Variants in COL4A2 observed in about 807,000 individuals in gnomAD.
COL4A2 encodes the protein collagen alpha-2(IV) chain.
COL4A2 carries 99 observed loss-of-function variants against 200.2 expected under a neutral mutation model. That is an observed-to-expected ratio of 0.49 (90% CI 0.42 to 0.58). COL4A2 has a LOEUF of 0.58. COL4A2 is among the 20% of genes least tolerant of loss of function. The pLI, the probability that COL4A2 is intolerant of heterozygous loss-of-function variation, is 0.00. For synonymous variants in COL4A2, 897 were observed against 900.6 expected (o/e 1.00, Z 0.07); for missense variants, 1,950 against 2,314.1 (o/e 0.84, Z 3.23).
At chr13:110,485,871 A>G (rs759039816) in intron 34 of COL4A2, 35 bp downstream of exon 34, 2 of 1,608,824 alleles carry the variant, frequency 1.2e-6, no homozygotes, top group Admixed American at 1.7e-5. Context: ...TTGTTCTGTG[A>G]GCTCCTCTCC....
At position 110,501,770 on chromosome 13, in the gene COL4A2, T is replaced by C. The variant is rs201297533; in HGVS notation, c.3863T>C (p.Ile1288Thr). The C allele has an allele frequency of 2.5e-6, 4 of 1,613,394 alleles. No homozygotes were observed. The highest frequency in any genetic ancestry group is 1.6e-4 in the Middle Eastern group (1 of 6,080). The change falls in exon 41 of 48, where the codon ATA becomes ACA. Residue 1288 changes from isoleucine to threonine, a missense_variant. Physicochemically the swap from Ile to Thr is moderately conservative, Grantham distance 89 (BLOSUM62 -1). This residue lies in a region of COL4A2 where 1,385 missense variants were observed against 1,720.5 expected (regional missense o/e 0.80). Transcript: ENST00000360467. The stretch of plus-strand genomic sequence containing the variant: ...CCTGGTGACAAAGGGGCGCCAGGGA[T>C]ATTTGGCCTGAAAGGTAAGCAGGAC... Reference protein sequence around the residue: ...GAPGDKGAPGIFGLKGYRGPP... With the variant: ...GAPGDKGAPGTFGLKGYRGPP...
rs569465931 is a variant in COL4A2 at position 110,314,514 on chromosome 13, C to T, written c.99+6391C>T. The stretch of plus-strand genomic sequence containing the variant: ...GAGTAAAAGGATTTTTGTCCCCTGG[C>T]CGTGGGTGGAGTCATTTGTGAAGAC... On this transcript the variant is annotated intron_variant, in intron 3 of 47. Transcript: ENST00000360467. 2.0e-5 allele frequency among the ~76,000 whole-genome samples: 3 copies of T among 152,262 alleles called. No individual in the cohort carries two copies. In the South Asian group the frequency reaches 6.2e-4, roughly 32 times the overall value.
chr13:110,355,154 C>A (rs1877137442), intron 3 of COL4A2, among the ~76,000 whole-genome samples: 1 of 152,230 alleles, frequency 6.6e-6, no homozygotes, highest in African/African-American at 2.4e-5. Context: ...TCAGTGAACA[C>A]CAGAAGCCAG....
At chr13:110,309,757 G>A (rs1884919947) in intron 3 of COL4A2, among the ~76,000 whole-genome samples, 1 of 143,616 alleles carries the variant, frequency 7.0e-6, no homozygotes, top group East Asian at 2.0e-4. Flanking sequence ...GGAGGCCGCG[G>A]CCTGTGGATT....
chr13:110,508,084 G>A lies in COL4A2; in HGVS notation c.4744G>A (p.Glu1582Lys), dbSNP rs376636910. 37 of 1,614,130 alleles carry A rather than the reference G, an allele frequency of 2.3e-5. No homozygotes were observed. Among genetic ancestry groups the A allele is most frequent in the East Asian group, 1.6e-4 (7 of 44,900 alleles). The change falls in exon 47 of 48, where the codon GAG becomes AAG. Residue 1582 changes from glutamate to lysine, a missense_variant. Transcript: ENST00000360467. This position sits in a 1 kb window ranked among gnomAD's most constrained non-coding sequence, Gnocchi z 6.1. Reference protein sequence around the residue: ...PLPMMPVAEDEIKPYISRCSV... With the variant: ...PLPMMPVAEDKIKPYISRCSV... The stretch of plus-strand genomic sequence containing the variant: ...GCCCATGATGCCCGTGGCCGAGGAC[G>A]AGATCAAGCCCTACATCAGCCGCTG...
intron 3 of COL4A2, among the ~76,000 whole-genome samples, chr13:110,355,389 G>A (rs1362900642): frequency 5.6e-5 from 7 of 125,794 alleles, no homozygotes; most frequent in Admixed American, 1.5e-4. Flanking sequence ...CTGTGTGGGG[G>A]GAGGGCTGCA....
At chr13:110,312,847 G>A (rs1422830375) in intron 3 of COL4A2, among the ~76,000 whole-genome samples, 2 of 152,232 alleles carry the variant, frequency 1.3e-5, no homozygotes, top group Non-Finnish European at 2.9e-5. Context: ...TTCAGGGCAA[G>A]ACACTTTACG....
chr13:110,431,867 A>T (rs144436138), intron 10 of COL4A2, among the ~76,000 whole-genome samples: 352 of 152,316 alleles, frequency 2.3e-3, no homozygotes, highest in Non-Finnish European at 3.6e-3. Flanking sequence ...ACACACCATG[A>T]TACTGCAGAT....
At chr13:110,380,687 G>A (rs1878431827) in intron 4 of COL4A2, among the ~76,000 whole-genome samples, 1 of 151,216 alleles carries the variant, frequency 6.6e-6, no homozygotes, top group Admixed American at 6.7e-5. Context: ...ACACCCATGA[G>A]CTCTATGTCA....
chr13:110,379,412 T>C (rs1025346060), intron 4 of COL4A2, among the ~76,000 whole-genome samples: 2 of 152,202 alleles, frequency 1.3e-5, no homozygotes, highest in Admixed American at 1.3e-4. Context: ...TGGCATGACC[T>C]TCCATCTTGC....
intron 40 of COL4A2, among the ~76,000 whole-genome samples, chr13:110,499,923 C>G (rs1427573974): frequency 6.6e-6 from 1 of 152,236 alleles, no homozygotes; most frequent in African/African-American, 2.4e-5. Flanking sequence ...TACTTTGTGA[C>G]AATAGCTAGA....
intron 4 of COL4A2, among the ~76,000 whole-genome samples, chr13:110,397,593 G>A (rs1259632389): frequency 6.6e-6 from 1 of 152,230 alleles, no homozygotes; most frequent in Non-Finnish European, 1.5e-5. Flanking sequence ...CTGGAGGCCA[G>A]AAGTACTGGC....
At chr13:110,466,470 T>G (rs1882245808) in intron 26 of COL4A2, among the ~76,000 whole-genome samples, 1 of 152,156 alleles carries the variant, frequency 6.6e-6, no homozygotes, top group Non-Finnish European at 1.5e-5. Context: ...GTGACTGTTC[T>G]TGCAAGAGAG....
At chr13:110,456,510 A>G (rs1156860079) in intron 20 of COL4A2, 3 of 327,928 alleles carry the variant, frequency 9.1e-6, no homozygotes, top group Non-Finnish European at 1.8e-5. Context: ...ATGTTTCTCA[A>G]AAGGAATAAT....
intron 4 of COL4A2, among the ~76,000 whole-genome samples, chr13:110,421,720 G>T (rs1206711010): frequency 6.6e-6 from 1 of 152,210 alleles, no homozygotes; most frequent in Non-Finnish European, 1.5e-5. Context: ...TATGCTATGT[G>T]AATTTCACTT....
chr13:110,441,688 G>A (rs957418459), intron 16 of COL4A2, among the ~76,000 whole-genome samples: 6 of 152,082 alleles, frequency 3.9e-5, no homozygotes, highest in Non-Finnish European at 8.8e-5. Flanking sequence ...AAAGTAACCC[G>A]TTTCCACCTA....
rs769439798 is a variant in COL4A2 at position 110,307,985 on chromosome 13, C to A, written c.44+38C>A. On this transcript the variant is annotated intron_variant, in intron 2 of 47. Transcript: ENST00000360467. The surrounding 1 kb of genome is among the most constrained non-coding windows in gnomAD (Gnocchi z 5.0). ...CTGCCTGGTCCCCGTGGGTCACGCGCGCATGGACCCTTCGGTGTAACTCTC... is the reference window on the plus strand; with the variant it reads ...CTGCCTGGTCCCCGTGGGTCACGCGAGCATGGACCCTTCGGTGTAACTCTC... The A allele has an allele frequency of 8.1e-6, 13 of 1,611,784 alleles. 1 individual carries two copies. The South Asian group carries it at 1.4e-4, about 18-fold the overall frequency.
At chr13:110,317,375 C>G (rs1885165200) in intron 3 of COL4A2, among the ~76,000 whole-genome samples, 1 of 152,144 alleles carries the variant, frequency 6.6e-6, no homozygotes, top group African/African-American at 2.4e-5. Flanking sequence ...CACACATAAA[C>G]ACACATGCTC....
chr13:110,369,865 A>G (rs1877927378), intron 4 of COL4A2, among the ~76,000 whole-genome samples: 1 of 152,076 alleles, frequency 6.6e-6, no homozygotes, highest in African/African-American at 2.4e-5. Flanking sequence ...TCTTCAATTC[A>G]TTGATCGCAG....
Sources: gnomAD v4.1 joint callset for allele counts (sites outside exome capture counted in the v4.1 genomes callset) on GRCh38, gnomAD v4.1.1 for gene constraint, gnomAD v4.1.1 regional missense constraint, Gnocchi (gnomAD v3.1) non-coding constraint, MANE v1.5 for transcripts, NCBI Gene and HGNC (gene_info 2026-07-23, HGNC 2026-07-21) for gene names.